Variants in ZFYVE9 observed in about 807,000 individuals in gnomAD.
ZFYVE9 encodes the protein zinc finger FYVE-type containing 9.
A neutral mutation model predicts 126.7 loss-of-function variants in ZFYVE9; 43 were observed. The observed-to-expected ratio is 0.34, with a 90% confidence interval of 0.27 to 0.44. The LOEUF (loss-of-function observed/expected upper bound fraction) is 0.44, where lower values mean the gene tolerates loss of function less well. Ranked by LOEUF, ZFYVE9 falls within the 20% of genes least tolerant of loss-of-function variation. The pLI is 1.00. For missense variants in ZFYVE9, 1,476 were observed against 1,697.0 expected (o/e 0.87, Z 2.29); for synonymous variants, 521 against 597.4 (o/e 0.87, Z 1.87).
intron 1 of ZFYVE9, among the ~76,000 whole-genome samples, chr1:52,195,168 TTTTCTC>T (rs1222891247): frequency 1.3e-5 from 2 of 152,220 alleles, no homozygotes; most frequent in East Asian, 1.9e-4. Flanking sequence ...TTCTTTTCCT[TTTTCTC>T]TTTCTCTTTT....
intron 5 of ZFYVE9, among the ~76,000 whole-genome samples, chr1:52,264,461 G>A (rs553845150): frequency 6.6e-6 from 1 of 152,246 alleles, no homozygotes; most frequent in Non-Finnish European, 1.5e-5. Flanking sequence ...TATGGCCGGG[G>A]AAAGTAAATA....
chr1:52,171,957 T>G (rs1042468302), intron 1 of ZFYVE9, among the ~76,000 whole-genome samples: 4 of 152,224 alleles, frequency 2.6e-5, no homozygotes, highest in Non-Finnish European at 5.9e-5. Flanking sequence ...GGTTGCCTGT[T>G]CACTCTGATG....
chr1:52,345,513 T>G (rs1646475392), intron 18 of ZFYVE9, among the ~76,000 whole-genome samples: 1 of 152,236 alleles, frequency 6.6e-6, no homozygotes, highest in Admixed American at 6.5e-5. Flanking sequence ...GCTTAACGGC[T>G]TGCCCAATGC....
At chr1:52,343,896 A>AC (rs1275733440) in intron 17 of ZFYVE9, among the ~76,000 whole-genome samples, 1 of 152,018 alleles carries the variant, frequency 6.6e-6, no homozygotes, top group African/African-American at 2.4e-5. Flanking sequence ...ACATGGTGAA[A>AC]CCCCATCTCT....
chr1:52,200,002 G>A (rs1644908348), intron 1 of ZFYVE9, among the ~76,000 whole-genome samples: 2 of 147,540 alleles, frequency 1.4e-5, no homozygotes, highest in Non-Finnish European at 3.0e-5. Flanking sequence ...GTCTGTACAG[G>A]TCTTTGGCCT....
chr1:52,147,450 C>T (rs1312748254), intron 1 of ZFYVE9, among the ~76,000 whole-genome samples: 1 of 152,154 alleles, frequency 6.6e-6, no homozygotes, highest in African/African-American at 2.4e-5. Context: ...TACTTTCTGC[C>T]TCTATGGATT....
intron 13 of ZFYVE9, among the ~76,000 whole-genome samples, chr1:52,315,502 C>T (rs185500986): frequency 2.2e-4 from 34 of 151,818 alleles, no homozygotes; most frequent in African/African-American, 7.5e-4. Context: ...AAATGTAGAA[C>T]GGTAACAAAA....
chr1:52,343,073 A>AT (rs1646453451), intron 17 of ZFYVE9, among the ~76,000 whole-genome samples: 2 of 151,256 alleles, frequency 1.3e-5, no homozygotes, highest in Non-Finnish European at 2.9e-5. Flanking sequence ...CGCCCGGCTA[A>AT]TTTTTTTTGT....
chr1:52,335,058 A>G, intron 15 of ZFYVE9: 1 of 239,030 alleles, frequency 4.2e-6, no homozygotes, highest in Non-Finnish European at 8.2e-6. Context: ...GGAAATATTA[A>G]TATCTAAATG....
intron 18 of ZFYVE9, 164 bp from the exon 19 acceptor site, chr1:52,345,896 G>C (rs1434209993): frequency 3.0e-6 from 2 of 659,068 alleles, no homozygotes; most frequent in Non-Finnish European, 4.7e-6. Context: ...GTAAACAACA[G>C]GATAAGTGAT....
chr1:52,161,315 A>G (rs1644455537), intron 1 of ZFYVE9, among the ~76,000 whole-genome samples: 1 of 152,090 alleles, frequency 6.6e-6, no homozygotes, highest in South Asian at 2.1e-4. Context: ...TTGGAGACAG[A>G]GTCTTGCTCT....
chr1:52,293,398 A>AAT, intron 10 of ZFYVE9, 55 bp from the exon 11 acceptor site: 3 of 1,199,976 alleles, frequency 2.5e-6, no homozygotes, highest in Non-Finnish European at 3.4e-6. Context: ...AAAAAAAAAA[A>AAT]GAAATATGAT....
chr1:52,342,414 C>G (rs570722231), intron 17 of ZFYVE9, among the ~76,000 whole-genome samples: 1 of 150,362 alleles, frequency 6.7e-6, no homozygotes, highest in Non-Finnish European at 1.5e-5. Context: ...TACAGGCGCC[C>G]GCTACCACGC....
intron 1 of ZFYVE9, among the ~76,000 whole-genome samples, chr1:52,202,630 G>A (rs1244286099): frequency 1.3e-5 from 2 of 151,656 alleles, no homozygotes; most frequent in Non-Finnish European, 2.9e-5. Flanking sequence ...TTTCATTGGT[G>A]CATTTAGACC....
chr1:52,331,985 T>A (rs947991127), intron 13 of ZFYVE9, among the ~76,000 whole-genome samples: 11 of 151,746 alleles, frequency 7.2e-5, no homozygotes, highest in Admixed American at 3.9e-4. Flanking sequence ...TTTCACCGTA[T>A]TAACCATGAT....
At chr1:52,168,617 A>G (rs1644535826) in intron 1 of ZFYVE9, among the ~76,000 whole-genome samples, 1 of 151,664 alleles carries the variant, frequency 6.6e-6, no homozygotes, top group Non-Finnish European at 1.5e-5. Flanking sequence ...TCAGGCTCAA[A>G]CAAGCCTCCC....
At chr1:52,161,822 A>T (rs1056532692) in intron 1 of ZFYVE9, among the ~76,000 whole-genome samples, 19 of 152,288 alleles carry the variant, frequency 1.2e-4, no homozygotes, top group Middle Eastern at 3.4e-3. Context: ...CCTCAAAAGA[A>T]AGTTTAAAAA....
At chr1:52,310,381 G>A (rs1646126653) in intron 13 of ZFYVE9, among the ~76,000 whole-genome samples, 1 of 152,100 alleles carries the variant, frequency 6.6e-6, no homozygotes, top group Non-Finnish European at 1.5e-5. Context: ...ACATGAGTAT[G>A]CTAACTACCT....
intron 10 of ZFYVE9, among the ~76,000 whole-genome samples, chr1:52,289,246 A>G (rs909249716): frequency 6.6e-6 from 1 of 152,170 alleles, no homozygotes; most frequent in African/African-American, 2.4e-5. Flanking sequence ...TCTGCTTTCT[A>G]GGTTTTACTT....
Sources: gnomAD v4.1 joint callset for allele counts (sites outside exome capture counted in the v4.1 genomes callset) on GRCh38, gnomAD v4.1.1 for gene constraint, MANE v1.5 for transcripts, NCBI Gene and HGNC (gene_info 2026-07-23, HGNC 2026-07-21) for gene names.